The following CACNG6 variants were observed in gnomAD, a reference collection of about 807,000 sequenced individuals.
The protein encoded by CACNG6 is calcium voltage-gated channel auxiliary subunit gamma 6.
CACNG6 carries 21 observed loss-of-function variants against 23.9 expected under a neutral mutation model. That is an observed-to-expected ratio of 0.88 (90% CI 0.62 to 1.26). The LOEUF (loss-of-function observed/expected upper bound fraction) is 1.26, where lower values mean the gene tolerates loss of function less well. Among genes scored for constraint, CACNG6 ranks in the 50% most tolerant of loss-of-function variants. The pLI is 0.00. For missense variants in CACNG6, 340 were observed against 352.9 expected (o/e 0.96, Z 0.29); for synonymous variants, 182 against 168.9 (o/e 1.08, Z -0.60).
intron 3 of CACNG6, among the ~76,000 whole-genome samples, chr19:54,001,847 G>A (rs1193352088): frequency 6.6e-6 from 1 of 152,092 alleles, no homozygotes; most frequent in East Asian, 1.9e-4. Flanking sequence ...GACATTAACA[G>A]GGAATCAAAA....
intron 3 of CACNG6, among the ~76,000 whole-genome samples, chr19:54,009,678 T>C (rs450413): frequency 0.11 from 16,176 of 151,924 alleles, 1,802 homozygotes; most frequent in African/African-American, 0.28. Context: ...GTTTTGCAAA[T>C]TTTGGTTTAT....
chr19:54,004,336 TGTGTGTGTGTGTGTGTGTG>T (rs767704800), intron 3 of CACNG6, among the ~76,000 whole-genome samples: 5,015 of 29,716 alleles, frequency 0.17, 364 homozygotes, highest in Middle Eastern at 0.36. Flanking sequence ...TTTGTATTTT[TGTGTGTGTGTGTGTGTGTG>T]TGTGTGTGTG....
chr19:54,012,075 C>G lies in CACNG6; in HGVS notation c.669C>G (p.Cys223Trp), dbSNP rs199614002. The G allele has an allele frequency of 2.5e-6, 4 of 1,593,612 alleles. No homozygotes were observed. The highest frequency in any genetic ancestry group is 3.4e-6 in the Non-Finnish European group (4 of 1,171,380). ...LTYEYSWSLG[C>W]GVGAGLILLL... Reference sequence around the variant, plus strand: ...ACGAGTACTCCTGGTCCCTGGGCTGCGGCGTGGGGGCCGGCCTGATCCTGC... The same window carrying G: ...ACGAGTACTCCTGGTCCCTGGGCTGGGGCGTGGGGGCCGGCCTGATCCTGC... The change falls in exon 4 of 4, where the codon TGC becomes TGG. Residue 223 changes from cysteine (C) to tryptophan (W), a missense_variant. Cys to Trp is a radical substitution (Grantham distance 215). Coordinates refer to ENST00000252729, the MANE Select transcript of CACNG6 (RefSeq NM_145814.2).
chr19:53,991,205 G>A (rs2069454841), upstream of CACNG6, among the ~76,000 whole-genome samples: 1 of 150,340 alleles, frequency 6.7e-6, no homozygotes, highest in African/African-American at 2.5e-5. Context: ...TGGGTACCCA[G>A]GCCTTCTTCC....
chr19:54,001,459 G>A (rs188244761), intron 3 of CACNG6, among the ~76,000 whole-genome samples: 548 of 152,220 alleles, frequency 3.6e-3, no homozygotes, highest in Non-Finnish European at 5.1e-3. Context: ...AAAGTGCTGG[G>A]ATTACAGGCG....
chr19:54,008,635 G>A (rs144743689), intron 3 of CACNG6, among the ~76,000 whole-genome samples: 113 of 152,228 alleles, frequency 7.4e-4, no homozygotes, highest in African/African-American at 2.4e-3. Flanking sequence ...TCTGTGCTGC[G>A]TCCTACACAG....
At chr19:54,006,826 T>A (rs2069652513) in intron 3 of CACNG6, among the ~76,000 whole-genome samples, 1 of 147,038 alleles carries the variant, frequency 6.8e-6, no homozygotes, top group African/African-American at 2.5e-5. Context: ...TGAGCCACTG[T>A]GCCCGGCCTT....
rs572509572 is a variant in CACNG6, at chr19:53,997,515, C to T, written c.332-724C>T. The stretch of plus-strand genomic sequence containing the variant: ...TCATTTCATAAAGTACCTCAGAGTG[C>T]CTTCCCAAAAGACTAGGAGTACCCG... On this transcript the variant is annotated intron_variant, in intron 1 of 3. Transcript: ENST00000252729. Among the ~76,000 whole-genome samples, 29 of 152,174 alleles carry T rather than the reference C, an allele frequency of 1.9e-4. No individual in the cohort carries two copies. In the South Asian group the frequency reaches 5.6e-3, roughly 29 times the overall value.
intron 3 of CACNG6, among the ~76,000 whole-genome samples, chr19:54,005,221 A>ATAAAT (rs2069628276): frequency 1.0e-5 from 1 of 95,694 alleles, no homozygotes; most frequent in Non-Finnish European, 1.9e-5. Context: ...AAATAAATAA[A>ATAAAT]TAAATAAATA....
At position 54,012,458 on chromosome 19, in the gene CACNG6, A is replaced by T; in HGVS notation, c.*269A>T. 8 of 99,024 alleles carry T rather than the reference A, an allele frequency of 8.1e-5. No individual in the cohort carries two copies. The highest frequency in any genetic ancestry group is 1.2e-4 in the Non-Finnish European group (6 of 51,582). 6.1% of individuals were successfully genotyped at this position (99,024 alleles called of 1,614,324 possible). On this transcript the variant is annotated 3_prime_UTR_variant, in exon 4 of 4. Coordinates refer to ENST00000252729, the MANE Select transcript of CACNG6 (RefSeq NM_145814.2). ...CCCAGAGAAGACTGGCGGGGACCTG[A>T]TGGGGTAGCTGGGGTGTGGGGTTGG...
chr19:53,997,612 G>C (rs1349864396), intron 1 of CACNG6, among the ~76,000 whole-genome samples: 1 of 152,108 alleles, frequency 6.6e-6, no homozygotes, highest in Admixed American at 6.5e-5. Flanking sequence ...CAATCTAATT[G>C]ATGGGAAGTG....
intron 3 of CACNG6, among the ~76,000 whole-genome samples, chr19:54,009,288 G>T (rs777025278): frequency 3.3e-5 from 5 of 152,100 alleles, no homozygotes; most frequent in Non-Finnish European, 5.9e-5. Flanking sequence ...AGGCGTGGTG[G>T]CGTGTGTCTG....
At position 53,991,794 on chromosome 19, in the gene CACNG6, G is replaced by T. The variant is rs2069462962; in HGVS notation, c.-1084G>T. ...CCTGGCCTGGGGCTGAGCCTGGCGC[G>T]AACCCGACCGGGAAGGCCCTGGGAG... On this transcript the variant is annotated 5_prime_UTR_variant, in exon 1 of 4. Transcript: ENST00000252729. 6.6e-6 allele frequency among the ~76,000 whole-genome samples: 1 copy of T among 152,110 alleles called. No individual in the cohort carries two copies. Among genetic ancestry groups the T allele is most frequent in the African/African-American group, 2.4e-5 (1 of 41,436 alleles).
intron 3 of CACNG6, among the ~76,000 whole-genome samples, chr19:54,001,275 G>C (rs981258056): frequency 2.0e-5 from 3 of 150,704 alleles, no homozygotes; most frequent in African/African-American, 7.4e-5. Context: ...TGCAACCTCC[G>C]CCTCTCAGGT....
rs1568815059 is a variant in CACNG6, at chr19:54,002,279, TTTTTG to T, written c.544+2513_544+2517del. On this transcript the variant is annotated intron_variant, in intron 3 of 3. Transcript: ENST00000252729. ...CGGCTAATTTTCGGTTTTTTTGTTT[TTTTTG>T]TTTTTTTTTTTTTTGTAGAGATAGG... is the stretch of plus-strand genomic sequence containing the variant. 7.5e-4 allele frequency among the ~76,000 whole-genome samples: 101 copies of T among 134,736 alleles called. 7 individuals are homozygous for T. Among genetic ancestry groups the T allele is most frequent in the African/African-American group, 3.3e-3 (98 of 29,486 alleles). The allele number at this position is 134,736 out of a possible 152,430, so 88.4% of individuals were successfully genotyped here.
intron 3 of CACNG6, among the ~76,000 whole-genome samples, chr19:54,008,867 A>G (rs2069674598): frequency 6.6e-6 from 1 of 152,166 alleles, no homozygotes; most frequent in Non-Finnish European, 1.5e-5. Context: ...TATTTTGGAC[A>G]TTGCAACCTG....
intron 3 of CACNG6, among the ~76,000 whole-genome samples, chr19:54,010,647 T>C: frequency 6.6e-6 from 1 of 152,130 alleles, no homozygotes; most frequent in East Asian, 1.9e-4. Context: ...TGATCACGGT[T>C]CACTGCTGCC....
At chr19:53,996,053 C>T (rs960021130) in intron 1 of CACNG6, among the ~76,000 whole-genome samples, 4 of 152,240 alleles carry the variant, frequency 2.6e-5, no homozygotes, top group Non-Finnish European at 4.4e-5. Flanking sequence ...CCTCGGGGTA[C>T]TTGGGGAGCG....
intron 3 of CACNG6, among the ~76,000 whole-genome samples, chr19:54,004,831 C>T (rs2069622056): frequency 6.6e-6 from 1 of 152,154 alleles, no homozygotes; most frequent in Non-Finnish European, 1.5e-5. Context: ...TCAAATGTCA[C>T]CACCTCAGAG....
Sources: gnomAD v4.1 joint callset for allele counts (sites outside exome capture counted in the v4.1 genomes callset) on GRCh38, gnomAD v4.1.1 for gene constraint, MANE v1.5 for transcripts, NCBI Gene and HGNC (gene_info 2026-07-23, HGNC 2026-07-21) for gene names.